Variants in SCHIP1 observed in about 807,000 individuals in gnomAD.
SCHIP1 encodes schwannomin-interacting protein 1.
A neutral mutation model predicts 29.7 loss-of-function variants in SCHIP1; 8 were observed. The ratio of observed to expected loss-of-function variants is 0.27; its 90% CI spans 0.16 to 0.49. The LOEUF (loss-of-function observed/expected upper bound fraction) is 0.49, where lower values mean the gene tolerates loss of function less well. Among genes scored for constraint, SCHIP1 ranks in the 20% least tolerant of loss-of-function variants. SCHIP1 has a pLI of 0.99. For missense variants in SCHIP1, 193 were observed against 294.6 expected, an observed-to-expected ratio of 0.66 and a Z score of 2.52; for synonymous variants, 76 against 94.9, an observed-to-expected ratio of 0.80 and a Z score of 1.16.
chr3:159,764,803 G>A, the SCHIP1 span: 8 of 1,574,670 alleles, frequency 5.1e-6, no homozygotes, highest in African/African-American at 6.8e-5. The surrounding 1 kb of genome is among the most constrained non-coding windows in gnomAD (Gnocchi z 6.1). Flanking sequence ...CGCCACCACC[G>A]CCATGCCGCC....
the SCHIP1 span, among the ~76,000 whole-genome samples, chr3:159,453,067 C>A: frequency 6.6e-6 from 1 of 152,168 alleles, no homozygotes; most frequent in Non-Finnish European, 1.5e-5. Context: ...TGAATCCCAA[C>A]AGTGTCAGGA....
At chr3:159,546,799 A>G in the SCHIP1 span, among the ~76,000 whole-genome samples, 6 of 151,896 alleles carry the variant, frequency 4.0e-5, no homozygotes, top group South Asian at 8.3e-4. Flanking sequence ...TATGTGCCAC[A>G]TTTTCTTTAT....
the SCHIP1 span, among the ~76,000 whole-genome samples, chr3:159,657,558 C>T: frequency 2.6e-5 from 4 of 152,102 alleles, no homozygotes; most frequent in Admixed American, 6.5e-5. Flanking sequence ...AAAAGGCAAC[C>T]GGTTTAGATT....
the SCHIP1 span, among the ~76,000 whole-genome samples, chr3:159,707,683 A>G: frequency 7.2e-5 from 11 of 152,212 alleles, no homozygotes; most frequent in Admixed American, 4.6e-4. Context: ...ATAATTTTTC[A>G]TTTTTCTTTG....
the SCHIP1 span, among the ~76,000 whole-genome samples, chr3:159,275,443 A>T: frequency 5.3e-5 from 8 of 152,024 alleles, no homozygotes; most frequent in African/African-American, 1.9e-4. Flanking sequence ...AGAATCCAAG[A>T]CTCATGTCAT....
chr3:159,887,455 G>C (rs1307619923), intron 3 of SCHIP1: 1 of 425,194 alleles, frequency 2.4e-6, no homozygotes, highest in Non-Finnish European at 4.3e-6. Flanking sequence ...AAGAATCAAA[G>C]ACATATTTCA....
At chr3:159,444,846 T>C in the SCHIP1 span, among the ~76,000 whole-genome samples, 10 of 152,050 alleles carry the variant, frequency 6.6e-5, no homozygotes, top group Non-Finnish European at 1.5e-4. Context: ...ACACAGAGGA[T>C]GGGAAGCAAA....
chr3:159,843,595 C>G (rs893021764), intron 1 of SCHIP1, among the ~76,000 whole-genome samples: 1 of 151,750 alleles, frequency 6.6e-6, no homozygotes, highest in South Asian at 2.1e-4. Flanking sequence ...CCGAGGGCTG[C>G]GGATCACGAG....
the SCHIP1 span, among the ~76,000 whole-genome samples, chr3:159,716,691 A>G: frequency 6.6e-6 from 1 of 152,228 alleles, no homozygotes; most frequent in Admixed American, 6.5e-5. Context: ...AGCGCTAACT[A>G]TCCTAAGTAT....
the SCHIP1 span, among the ~76,000 whole-genome samples, chr3:159,394,265 G>A: frequency 6.6e-5 from 10 of 151,494 alleles, no homozygotes; most frequent in Non-Finnish European, 1.2e-4. Flanking sequence ...TGCAAACAGG[G>A]ACAATTTGAT....
chr3:159,381,467 T>C, the SCHIP1 span, among the ~76,000 whole-genome samples: 1 of 152,234 alleles, frequency 6.6e-6, no homozygotes, highest in Non-Finnish European at 1.5e-5. Context: ...TTTTGTCTTA[T>C]ATCACATATC....
chr3:159,754,295 G>A, the SCHIP1 span, among the ~76,000 whole-genome samples: 1 of 152,070 alleles, frequency 6.6e-6, no homozygotes, highest in East Asian at 1.9e-4. Context: ...CACCTATCCT[G>A]ACACCTGGTA....
chr3:159,607,120 C>T, the SCHIP1 span, among the ~76,000 whole-genome samples: 1 of 152,156 alleles, frequency 6.6e-6, no homozygotes, highest in Non-Finnish European at 1.5e-5. Flanking sequence ...TCTTATACTA[C>T]CATTTTCTTT....
the SCHIP1 span, among the ~76,000 whole-genome samples, chr3:159,523,111 C>G: frequency 6.6e-6 from 1 of 152,148 alleles, no homozygotes; most frequent in Non-Finnish European, 1.5e-5. Flanking sequence ...TGAAGCAAAT[C>G]TCAGATATCA....
the SCHIP1 span, among the ~76,000 whole-genome samples, chr3:159,340,761 T>TG: frequency 6.6e-6 from 1 of 152,180 alleles, no homozygotes; most frequent in African/African-American, 2.4e-5. Flanking sequence ...CACATTTTTT[T>TG]GCTTTTCTGT....
At chr3:159,731,056 C>T in the SCHIP1 span, among the ~76,000 whole-genome samples, 1 of 152,112 alleles carries the variant, frequency 6.6e-6, no homozygotes, top group East Asian at 1.9e-4. Context: ...TATAATCAAG[C>T]GCCAAATTCC....
the SCHIP1 span, among the ~76,000 whole-genome samples, chr3:159,776,868 A>G: frequency 6.6e-6 from 1 of 152,178 alleles, no homozygotes; most frequent in Admixed American, 6.6e-5. Context: ...GGGAGGCCAG[A>G]GCAAGGGTGG....
chr3:159,676,189 G>T, the SCHIP1 span, among the ~76,000 whole-genome samples: 1 of 152,132 alleles, frequency 6.6e-6, no homozygotes, highest in East Asian at 1.9e-4. Context: ...GGGGTACTGG[G>T]CTCCAGAAGG....
At chr3:159,521,769 T>C in the SCHIP1 span, among the ~76,000 whole-genome samples, 2 of 152,248 alleles carry the variant, frequency 1.3e-5, no homozygotes, top group African/African-American at 4.8e-5. Flanking sequence ...TCATATCCAG[T>C]TCTACATTAT....
Sources: gnomAD v4.1 joint callset for allele counts (sites outside exome capture counted in the v4.1 genomes callset) on GRCh38, gnomAD v4.1.1 for gene constraint, Gnocchi (gnomAD v3.1) non-coding constraint, MANE v1.5 for transcripts, NCBI Gene and HGNC (gene_info 2026-07-23, HGNC 2026-07-21) for gene names.